FBRSL1: variants seen among roughly 807,000 people sequenced by gnomAD.
FBRSL1 encodes the protein fibrosin-1-like protein.
In FBRSL1, 51 loss-of-function variants were observed where a neutral mutation model predicts 89.6. The observed-to-expected ratio is 0.57, with a 90% confidence interval of 0.45 to 0.72. The LOEUF (loss-of-function observed/expected upper bound fraction) is 0.72. FBRSL1 is among the 30% of genes least tolerant of loss of function. FBRSL1 has a pLI of 0.00. For missense variants in FBRSL1, 1,618 were observed against 1,451.8 expected, an observed-to-expected ratio of 1.11 and a Z score of -1.86; for synonymous variants, 779 against 681.1, an observed-to-expected ratio of 1.14 and a Z score of -2.24.
intron 1 of FBRSL1, among the ~76,000 whole-genome samples, chr12:132,503,080 G>C (rs1219575362): frequency 2.0e-5 from 3 of 151,832 alleles, no homozygotes; most frequent in Non-Finnish European, 4.4e-5. Flanking sequence ...CAGCAGTAAC[G>C]GCCAAGCTGG....
In FBRSL1 at chr12:132,490,241, C is replaced by A; in HGVS notation, c.-330C>A. 6.9e-6 allele frequency: 1 copy of A among 144,852 alleles called. No individual in the cohort carries two copies. Among genetic ancestry groups the A allele is most frequent in the South Asian group, 1.9e-4 (1 of 5,322 alleles). 9.0% of individuals were successfully genotyped at this position (144,852 alleles called of 1,614,324 possible). A position where few individuals can be genotyped will look rare whatever the true frequency, so the allele number is the denominator to read the frequency against. Reference sequence around the variant, plus strand: ...CCTCCCGCCTGCCGCCTGCCGCGCCCGCCCGGCCCCGCCCGCTCGGCCCGA... The same window carrying A: ...CCTCCCGCCTGCCGCCTGCCGCGCCAGCCCGGCCCCGCCCGCTCGGCCCGA... On this transcript the variant is annotated 5_prime_UTR_variant, in exon 1 of 19. Coordinates refer to ENST00000680143, the MANE Select transcript of FBRSL1 (RefSeq NM_001367871.1).
chr12:132,545,793 G>A (rs549409093), intron 4 of FBRSL1, among the ~76,000 whole-genome samples: 112 of 152,366 alleles, frequency 7.4e-4, no homozygotes, highest in Middle Eastern at 3.4e-3. Context: ...CTCGAGGCCT[G>A]ATTGGCCAGA....
intron 5 of FBRSL1, among the ~76,000 whole-genome samples, chr12:132,564,876 G>T (rs1004800895): frequency 1.2e-4 from 19 of 152,106 alleles, no homozygotes; most frequent in South Asian, 2.1e-4. Context: ...TGATCCGCCG[G>T]CCTCGGCCTC....
intron 15 of FBRSL1, chr12:132,580,976 A>G: frequency 1.0e-6 from 1 of 985,476 alleles, no homozygotes; most frequent in South Asian, 4.7e-5. Context: ...GGAATGCCAC[A>G]AGGGGCTGCC....
At chr12:132,543,128 G>A (rs192939138) in intron 4 of FBRSL1, among the ~76,000 whole-genome samples, 3 of 152,306 alleles carry the variant, frequency 2.0e-5, no homozygotes, top group Admixed American at 1.3e-4. Flanking sequence ...CAGTGGTGGT[G>A]ACAGTGACAG....
chr12:132,503,820 G>C (rs573219471), intron 1 of FBRSL1, among the ~76,000 whole-genome samples: 2 of 152,320 alleles, frequency 1.3e-5, no homozygotes, highest in South Asian at 4.1e-4. Context: ...TTGGGCCTGA[G>C]CTCTTGGAAT....
At chr12:132,573,317 G>A (rs1033816600) in intron 11 of FBRSL1, among the ~76,000 whole-genome samples, 1 of 152,182 alleles carries the variant, frequency 6.6e-6, no homozygotes, top group Non-Finnish European at 1.5e-5. Context: ...TGCCCTGAAG[G>A]GCCCAGCACG....
At chr12:132,521,302 C>T (rs1019591601) in intron 2 of FBRSL1, among the ~76,000 whole-genome samples, 3 of 152,224 alleles carry the variant, frequency 2.0e-5, no homozygotes, top group Non-Finnish European at 1.5e-5. Context: ...CACTCAGACA[C>T]GGATGGCGGC....
Position 132,497,262 on chromosome 12 carries a change from G to A in FBRSL1, c.291+6401G>A, listed in dbSNP as rs529313468. On this transcript the variant is annotated intron_variant, in intron 1 of 18. Coordinates refer to ENST00000680143, the MANE Select transcript of FBRSL1 (RefSeq NM_001367871.1). ...GAGACCCCAAGTCAGCATGGTTTGG[G>A]GTGGGGACACGGGTAATGAGGGAGA... Among the ~76,000 whole-genome samples the A allele has an allele frequency of 2.6e-5, 4 of 152,320 alleles. No individual in the cohort carries two copies. The East Asian group carries it at 7.7e-4, about 29-fold the overall frequency.
intron 5 of FBRSL1, among the ~76,000 whole-genome samples, chr12:132,566,751 G>A (rs1593531102): frequency 6.6e-6 from 1 of 152,272 alleles, no homozygotes; most frequent in South Asian, 2.1e-4. Context: ...GTGGCTGCTG[G>A]GAGCTTGGCC....
At chr12:132,511,707 C>A in intron 2 of FBRSL1, 3 of 985,276 alleles carry the variant, frequency 3.0e-6, no homozygotes, top group Non-Finnish European at 3.6e-6. Context: ...GTCCCTGGCT[C>A]CCAGGCCAGG....
intron 2 of FBRSL1, among the ~76,000 whole-genome samples, chr12:132,515,005 G>A (rs1347779633): frequency 6.6e-6 from 1 of 151,926 alleles, no homozygotes; most frequent in Non-Finnish European, 1.5e-5. Flanking sequence ...CAGCTTCTGC[G>A]CCCAATAACC....
At position 132,583,976 on chromosome 12, in the gene FBRSL1, GA is replaced by G. The variant is rs1417530280; in HGVS notation, c.*207del. 57 of 275,062 alleles carry G rather than the reference GA, an allele frequency of 2.1e-4. No individual in the cohort carries two copies. Among genetic ancestry groups the G allele is most frequent in the East Asian group, 3.4e-4 (6 of 17,404 alleles). The allele number at this position is 275,062 out of a possible 1,614,324, so 17.0% of individuals were successfully genotyped here. A position where few individuals can be genotyped will look rare whatever the true frequency, so the allele number is the denominator to read the frequency against. Reference sequence around the variant, plus strand: ...TCCGAGTTTGGGATTCGGCTGTTGGGAAAAAAAAATCGCGTTTGTACCTTTT... The same window carrying G: ...TCCGAGTTTGGGATTCGGCTGTTGGGAAAAAAAATCGCGTTTGTACCTTTT... On this transcript the variant is annotated 3_prime_UTR_variant, in exon 19 of 19. Coordinates refer to ENST00000680143, the MANE Select transcript of FBRSL1 (RefSeq NM_001367871.1).
intron 5 of FBRSL1, chr12:132,565,139 AGCCTGGCCG>A (rs1180955629): frequency 6.6e-6 from 1 of 152,228 alleles, no homozygotes; most frequent in Admixed American, 6.5e-5. Context: ...TCACTAGGCA[AGCCTGGCCG>A]GCCCCTCCCT....
intron 2 of FBRSL1, 150 bp from the exon 3 acceptor site, chr12:132,525,584 G>C: frequency 1.6e-6 from 1 of 643,416 alleles, no homozygotes; most frequent in Non-Finnish European, 2.8e-6. Context: ...ACCACAGCTC[G>C]TCACATCCCA....
chr12:132,509,169 T>G, intron 2 of FBRSL1: 1 of 1,243,884 alleles, frequency 8.0e-7, no homozygotes, highest in South Asian at 4.1e-5. Context: ...CATGCAGGTG[T>G]GCTCCCCAGA....
chr12:132,543,358 C>T (rs941042524), intron 4 of FBRSL1, among the ~76,000 whole-genome samples: 13 of 152,134 alleles, frequency 8.5e-5, no homozygotes, highest in South Asian at 4.1e-4. Context: ...CGCCGGGCTC[C>T]GTGAAGCAGT....
intron 5 of FBRSL1, among the ~76,000 whole-genome samples, chr12:132,562,288 C>T (rs1159883664): frequency 6.6e-6 from 1 of 152,082 alleles, no homozygotes; most frequent in Non-Finnish European, 1.5e-5. Context: ...GGTTCCTGTC[C>T]TTCTTTCTTT....
At chr12:132,544,576 C>A (rs564405774) in intron 4 of FBRSL1, among the ~76,000 whole-genome samples, 1 of 151,776 alleles carries the variant, frequency 6.6e-6, no homozygotes, top group East Asian at 1.9e-4. Flanking sequence ...AGGGTGAGGA[C>A]GATGACCTGA....
Sources: allele counts gnomAD v4.1 joint callset (sites outside exome capture counted in the v4.1 genomes callset), GRCh38; gene constraint gnomAD v4.1.1; transcripts MANE v1.5; gene names NCBI Gene and HGNC (gene_info 2026-07-23, HGNC 2026-07-21).